GRID2: variants seen among roughly 807,000 people sequenced by gnomAD.
GRID2 encodes the protein glutamate receptor ionotropic, delta-2.
In GRID2, 33 loss-of-function variants were observed where a neutral mutation model predicts 114.8. That is an observed-to-expected ratio of 0.29 (90% confidence interval 0.22 to 0.38). The LOEUF (loss-of-function observed/expected upper bound fraction) is 0.38, where lower values mean the gene tolerates loss of function less well. Ranked by LOEUF, GRID2 falls within the 10% of genes least tolerant of loss-of-function variation. GRID2 has a pLI of 1.00. For missense variants in GRID2, 1,184 were observed against 1,257.7 expected (o/e 0.94, Z 0.89); for synonymous variants, 505 against 449.9 (o/e 1.12, Z -1.55).
rs1729133003 is a variant in GRID2 at position 92,600,032 on chromosome 4, G to GTATATATAAATA, written c.244+9747_244+9748insATATATAAATAT. ...AGGGCAATACTTCATGTATGTGTGT[G>GTATATATAAATA]TGTGTGTGTGTGTATATATATATAT... On this transcript the variant is annotated intron_variant, in intron 2 of 15. Coordinates refer to ENST00000282020, the MANE Select transcript of GRID2 (RefSeq NM_001510.4). 4.8e-4 allele frequency among the ~76,000 whole-genome samples: 35 copies of GTATATATAAATA among 73,006 alleles called. 3 individuals carry two copies. Among genetic ancestry groups the GTATATATAAATA allele is most frequent in the East Asian group, 1.5e-3 (5 of 3,324 alleles). 47.9% of individuals were successfully genotyped at this position (73,006 alleles called of 152,430 possible).
intron 2 of GRID2, among the ~76,000 whole-genome samples, chr4:92,665,940 A>T (rs966846113): frequency 6.6e-6 from 1 of 151,366 alleles, no homozygotes; most frequent in Admixed American, 6.6e-5. Context: ...AAAGTTCTTG[A>T]ATGTTTATAT....
At chr4:93,656,573 G>C (rs1391293426) in intron 14 of GRID2, among the ~76,000 whole-genome samples, 1 of 151,962 alleles carries the variant, frequency 6.6e-6, no homozygotes, top group African/African-American at 2.4e-5. Context: ...GCTCACGTCT[G>C]TAATCCCAGC....
chr4:92,401,461 C>T (rs966137378), intron 1 of GRID2, among the ~76,000 whole-genome samples: 1 of 152,072 alleles, frequency 6.6e-6, no homozygotes, highest in Non-Finnish European at 1.5e-5. Flanking sequence ...TATGTGCAGT[C>T]ATACATCAGA....
chr4:92,502,240 TAGAA>T (rs1206567443), intron 1 of GRID2, among the ~76,000 whole-genome samples: 3 of 152,118 alleles, frequency 2.0e-5, no homozygotes, highest in Non-Finnish European at 4.4e-5. Flanking sequence ...CAATTAATGT[TAGAA>T]AGAAAAACAT....
At chr4:93,108,807 T>G (rs921864725) in intron 3 of GRID2, among the ~76,000 whole-genome samples, 3 of 151,978 alleles carry the variant, frequency 2.0e-5, no homozygotes, top group African/African-American at 7.2e-5. Flanking sequence ...ATTTTCGTAT[T>G]TTTAGTAGAG....
At chr4:93,165,203 T>G (rs1476386467) in intron 4 of GRID2, among the ~76,000 whole-genome samples, 2 of 152,002 alleles carry the variant, frequency 1.3e-5, no homozygotes, top group Admixed American at 1.3e-4. Context: ...CAACTGTTAG[T>G]CCTCAGACTT....
chr4:92,937,287 C>T (rs1750746354), intron 2 of GRID2, among the ~76,000 whole-genome samples: 1 of 146,644 alleles, frequency 6.8e-6, no homozygotes, highest in South Asian at 2.3e-4. Context: ...TAGAGATTTT[C>T]CGCATTCTTT....
At chr4:93,346,442 A>T (rs1019266949) in intron 8 of GRID2, among the ~76,000 whole-genome samples, 4 of 152,068 alleles carry the variant, frequency 2.6e-5, no homozygotes, top group Admixed American at 2.6e-4. Flanking sequence ...CTCTCTCACA[A>T]TTCATCTTCT....
chr4:92,734,587 C>CT (rs1159403627), intron 2 of GRID2, among the ~76,000 whole-genome samples: 5 of 151,460 alleles, frequency 3.3e-5, no homozygotes, highest in East Asian at 2.0e-4. Flanking sequence ...CCCAGCCTTA[C>CT]TTTTTTTTAC....
At chr4:93,802,724 C>T (rs1299368307) in intron 1 of GRID2, among the ~76,000 whole-genome samples, 1 of 151,854 alleles carries the variant, frequency 6.6e-6, no homozygotes, top group Non-Finnish European at 1.5e-5. Flanking sequence ...TATTTCAGGG[C>T]AAAAACCCAT....
chr4:93,632,990 G>T (rs148050220), intron 14 of GRID2, among the ~76,000 whole-genome samples: 1,666 of 152,176 alleles, frequency 0.011, 24 homozygotes, highest in African/African-American at 0.037. Context: ...TTGTGAATGG[G>T]AGTTCACTCA....
intron 15 of GRID2, among the ~76,000 whole-genome samples, chr4:93,770,503 C>T (rs940900973): frequency 2.6e-5 from 4 of 152,028 alleles, no homozygotes; most frequent in African/African-American, 4.8e-5. Context: ...CTTCTTATCA[C>T]CTTATATGCA....
chr4:93,074,204 A>G (rs888262131), intron 2 of GRID2, among the ~76,000 whole-genome samples: 3 of 152,172 alleles, frequency 2.0e-5, no homozygotes, highest in Admixed American at 1.3e-4. Context: ...TCAATTCCTG[A>G]CTAGATTGCT....
chr4:93,601,796 C>T (rs925951998), intron 13 of GRID2, among the ~76,000 whole-genome samples: 5 of 152,034 alleles, frequency 3.3e-5, no homozygotes, highest in African/African-American at 1.2e-4. Flanking sequence ...AATACTGATT[C>T]TCTGGCTTCT....
At chr4:93,486,049 A>G (rs963831008) in intron 11 of GRID2, among the ~76,000 whole-genome samples, 1 of 151,682 alleles carries the variant, frequency 6.6e-6, no homozygotes, top group East Asian at 1.9e-4. Context: ...AAATAGTTTT[A>G]TAGTTTTTCA....
At chr4:92,853,292 A>G (rs1311780650) in intron 2 of GRID2, among the ~76,000 whole-genome samples, 1 of 152,080 alleles carries the variant, frequency 6.6e-6, no homozygotes, top group Non-Finnish European at 1.5e-5. Context: ...TGATTAAGAC[A>G]ATGAAACTCT....
intron 2 of GRID2, among the ~76,000 whole-genome samples, chr4:92,873,648 A>G (rs115289163): frequency 0.011 from 1,693 of 152,252 alleles, 34 homozygotes; most frequent in African/African-American, 0.038. Flanking sequence ...AGAGAGGTAG[A>G]GGGAGGGAAA....
intron 1 of GRID2, among the ~76,000 whole-genome samples, chr4:92,343,708 G>A (rs13150879): frequency 0.065 from 9,837 of 151,988 alleles, 366 homozygotes; most frequent in Middle Eastern, 0.14. Flanking sequence ...CGAGTAGTTG[G>A]GATTATAGGC....
intron 13 of GRID2, among the ~76,000 whole-genome samples, chr4:93,557,793 C>T (rs1481304487): frequency 6.6e-6 from 1 of 152,186 alleles, no homozygotes; most frequent in Non-Finnish European, 1.5e-5. Context: ...ACATTCTTCC[C>T]AGCACCACAT....
Sources: allele counts gnomAD v4.1 joint callset (sites outside exome capture counted in the v4.1 genomes callset), GRCh38; gene constraint gnomAD v4.1.1; transcripts MANE v1.5; gene names NCBI Gene and HGNC (gene_info 2026-07-23, HGNC 2026-07-21).